Variants in DNAH6 observed in about 807,000 individuals in gnomAD.
The protein encoded by DNAH6 is axonemal beta dynein heavy chain 6.
A neutral mutation model predicts 491.4 loss-of-function variants in DNAH6; 340 were observed. That is an observed-to-expected ratio of 0.69 (90% CI 0.63 to 0.76). DNAH6 has a LOEUF of 0.76. Among genes scored for constraint, DNAH6 ranks in the 30% least tolerant of loss-of-function variants. The pLI is 0.00. For missense variants in DNAH6, 4,443 were observed against 4,972.2 expected, an observed-to-expected ratio of 0.89 and a Z score of 3.20; for synonymous variants, 1,603 against 1,686.1, an observed-to-expected ratio of 0.95 and a Z score of 1.21.
chr2:84,755,349 C>T (rs1388809359), intron 63 of DNAH6, among the ~76,000 whole-genome samples: 1 of 152,210 alleles, frequency 6.6e-6, no homozygotes, highest in Non-Finnish European at 1.5e-5. Context: ...GTATCATGCT[C>T]TTGGACTTCA....
At chr2:84,514,433 A>AT (rs1342305152), upstream of DNAH6, among the ~76,000 whole-genome samples, 1 of 152,198 alleles carries the variant, frequency 6.6e-6, no homozygotes, top group Non-Finnish European at 1.5e-5. Context: ...GATTAGTGGA[A>AT]TAGCACCCAT....
chr2:84,750,218 G>T (rs1673335662), intron 63 of DNAH6, among the ~76,000 whole-genome samples: 1 of 143,428 alleles, frequency 7.0e-6, no homozygotes. Flanking sequence ...TGGAGATGGA[G>T]TCTCTCTCTG....
intron 30 of DNAH6, among the ~76,000 whole-genome samples, chr2:84,635,576 A>G (rs1371424497): frequency 6.6e-6 from 1 of 152,180 alleles, no homozygotes; most frequent in African/African-American, 2.4e-5. Context: ...CACTGAAAGC[A>G]AAGTATATGG....
chr2:84,500,121 G>C, the DNAH6 span, among the ~76,000 whole-genome samples: 1 of 152,122 alleles, frequency 6.6e-6, no homozygotes, highest in Non-Finnish European at 1.5e-5. Flanking sequence ...CAATGTCCTG[G>C]AGATTTTCCC....
At chr2:84,817,302 C>T (rs73946016) in intron 76 of DNAH6, among the ~76,000 whole-genome samples, 3,668 of 152,190 alleles carry the variant, frequency 0.024, 139 homozygotes, top group African/African-American at 0.083. Flanking sequence ...CATTATCCAC[C>T]GTGCATATAA....
chr2:84,751,280 C>A (rs937020487), intron 63 of DNAH6: 7 of 152,176 alleles, frequency 4.6e-5, no homozygotes, highest in Admixed American at 2.0e-4. Flanking sequence ...GAAACAAGAC[C>A]TCTGTGATGA....
Position 84,532,142 on chromosome 2 carries a change from ATATAAAG to A in DNAH6, c.662+2980_662+2986del, listed in dbSNP as rs1447803597. 2.0e-5 allele frequency among the ~76,000 whole-genome samples: 3 copies of A among 152,248 alleles called. No individual in the cohort carries two copies. In the East Asian group the frequency reaches 5.8e-4, roughly 29 times the overall value. On this transcript the variant is annotated intron_variant, in intron 4 of 76. Coordinates refer to ENST00000389394, the MANE Select transcript of DNAH6 (RefSeq NM_001370.2). ...TGATTCTCATCTATTTACCAGCACA[ATATAAAG>A]TATTGAAGAGGAGACTGAAAACTGC...
chr2:84,645,518 C>G (rs1400627578), intron 33 of DNAH6, among the ~76,000 whole-genome samples: 6 of 149,286 alleles, frequency 4.0e-5, no homozygotes, highest in Non-Finnish European at 7.4e-5. Flanking sequence ...TAATGTTGAG[C>G]TTTTTTTCAT....
In DNAH6 at chr2:84,686,398, C is replaced by T. The variant is rs1694259313; in HGVS notation, c.7064-86C>T. 6.7e-6 allele frequency: 5 copies of T among 747,040 alleles called. No individual in the cohort carries two copies. In the South Asian group the frequency reaches 7.2e-5, roughly 11 times the overall value. 46.3% of individuals were successfully genotyped at this position (747,040 alleles called of 1,614,324 possible). ...TTAATTAAGTCTTCTAAGTAAAATG[C>T]AGCTATTATTCTATATGTTTTATCA... On this transcript the variant is annotated intron_variant, in intron 43 of 76. Coordinates refer to ENST00000389394, the MANE Select transcript of DNAH6 (RefSeq NM_001370.2).
At chr2:84,574,909 G>T (rs1275305051) in intron 12 of DNAH6, among the ~76,000 whole-genome samples, 1 of 152,132 alleles carries the variant, frequency 6.6e-6, no homozygotes, top group Non-Finnish European at 1.5e-5. Context: ...CCCTCAGCAA[G>T]TTCCCATCAG....
At chr2:84,675,846 G>C (rs1246685287) in intron 40 of DNAH6, among the ~76,000 whole-genome samples, 1 of 152,052 alleles carries the variant, frequency 6.6e-6, no homozygotes, top group Non-Finnish European at 1.5e-5. Flanking sequence ...TTTTAGTAGG[G>C]ACTGGGTTTC....
In DNAH6 at chr2:84,713,251, C is replaced by G; in HGVS notation, c.9535C>G (p.Leu3179Val). The stretch of plus-strand genomic sequence containing the variant: ...AACCAAAATGCCAAATCCCCACTAT[C>G]TGCCTGAGGTATGAACTACTGGTCT... Reference protein sequence around the residue: ...MTTKMPNPHYLPEVCIKVTII... With the variant: ...MTTKMPNPHYVPEVCIKVTII... Residue 3179 changes from leucine to valine, a missense_variant, in exon 57 of 77, where the codon CTG becomes GTG. By Grantham distance (32) the Leu-to-Val change is conservative. Transcript: ENST00000389394. The G allele has an allele frequency of 6.4e-7, 1 of 1,552,048 alleles. No individual in the cohort carries two copies. Among genetic ancestry groups the G allele is most frequent in the Non-Finnish European group, 8.7e-7 (1 of 1,146,988 alleles).
At position 84,547,711 on chromosome 2, in the gene DNAH6, A is replaced by G. The variant is rs10171852; in HGVS notation, c.1186+99A>G. On this transcript the variant is annotated intron_variant, in intron 7 of 76. Transcript: ENST00000389394. ...TTTCTTAAGTTTAAATAATGATTCTATGTTTGAATTGTTCCAAACATTTGA... is the reference window on the plus strand; with the variant it reads ...TTTCTTAAGTTTAAATAATGATTCTGTGTTTGAATTGTTCCAAACATTTGA... The G allele has an allele frequency of 0.014, 17,767 of 1,238,054 alleles. 1,885 individuals carry two copies. In the African/African-American group the frequency reaches 0.24, roughly 16 times the overall value. The allele number at this position is 1,238,054 out of a possible 1,614,324, so 76.7% of individuals were successfully genotyped here. A position where few individuals can be genotyped will look rare whatever the true frequency, so the allele number is the denominator to read the frequency against.
At chr2:84,802,469 T>C (rs1679018340) in intron 70 of DNAH6, among the ~76,000 whole-genome samples, 1 of 152,188 alleles carries the variant, frequency 6.6e-6, no homozygotes, top group Non-Finnish European at 1.5e-5. Flanking sequence ...GAGGGCATGA[T>C]ATAATGATAA....
intron 54 of DNAH6, among the ~76,000 whole-genome samples, chr2:84,708,402 G>A (rs567985170): frequency 1.3e-4 from 19 of 140,894 alleles, no homozygotes; most frequent in South Asian, 7.1e-4. Flanking sequence ...TGGAGATTGC[G>A]CCATTGCACT....
intron 42 of DNAH6, among the ~76,000 whole-genome samples, chr2:84,681,767 T>C (rs1027720805): frequency 1.8e-4 from 28 of 151,486 alleles, no homozygotes; most frequent in Middle Eastern, 3.5e-3. Context: ...ATAGAAGCAG[T>C]TGGACCAGAG....
chr2:84,662,300 G>A (rs1558870970), intron 37 of DNAH6, among the ~76,000 whole-genome samples: 2 of 151,928 alleles, frequency 1.3e-5, no homozygotes, highest in African/African-American at 2.4e-5. Context: ...GGAGCAGGGT[G>A]GGGCATCACC....
intron 15 of DNAH6, among the ~76,000 whole-genome samples, chr2:84,586,838 G>T (rs548444300): frequency 6.6e-6 from 1 of 152,102 alleles, no homozygotes; most frequent in Admixed American, 6.6e-5. Flanking sequence ...ACCATATACT[G>T]TATTCTATAC....
chr2:84,642,152 T>A (rs1029018854), intron 33 of DNAH6, 98 bp downstream of exon 33: 6 of 810,462 alleles, frequency 7.4e-6, no homozygotes, highest in Admixed American at 2.8e-5. Flanking sequence ...AGCTGAAAAC[T>A]TTCCTATCTT....
Sources: allele counts gnomAD v4.1 joint callset (sites outside exome capture counted in the v4.1 genomes callset), GRCh38; gene constraint gnomAD v4.1.1; transcripts MANE v1.5; gene names NCBI Gene and HGNC (gene_info 2026-07-23, HGNC 2026-07-21).